The following EGFLAM variants were observed in gnomAD, a reference collection of about 807,000 sequenced individuals.
EGFLAM encodes the protein EGF like, fibronectin type III and laminin G domains.
A neutral mutation model predicts 113.1 loss-of-function variants in EGFLAM; 79 were observed. The observed-to-expected ratio is 0.70, with a 90% CI of 0.58 to 0.84. The LOEUF is 0.84. Among genes scored for constraint, EGFLAM ranks in the 40% least tolerant of loss-of-function variants. EGFLAM has a pLI of 0.00. For synonymous variants in EGFLAM, 504 were observed against 487.6 expected (o/e 1.03, Z -0.44); for missense variants, 1,265 against 1,291.6 (o/e 0.98, Z 0.32).
chr5:38,393,679 T>G (rs2961891), intron 6 of EGFLAM, among the ~76,000 whole-genome samples: 23,030 of 152,254 alleles, frequency 0.15, 3,855 homozygotes, highest in African/African-American at 0.42. Flanking sequence ...GAGGAAGAGT[T>G]GGGGAACCAG....
At chr5:38,424,837 G>A (rs1390470020) in intron 12 of EGFLAM, 130 bp from the exon 13 acceptor site, 3 of 1,263,804 alleles carry the variant, frequency 2.4e-6, no homozygotes, top group African/African-American at 1.5e-5. Context: ...GTTGTGCAGA[G>A]CTGCAAATCA....
At chr5:38,368,524 T>C (rs1740122363) in intron 5 of EGFLAM, among the ~76,000 whole-genome samples, 1 of 152,194 alleles carries the variant, frequency 6.6e-6, no homozygotes, top group Non-Finnish European at 1.5e-5. Context: ...AAATCCGCTG[T>C]TCACCCCGGC....
intron 11 of EGFLAM, among the ~76,000 whole-genome samples, chr5:38,414,484 G>A (rs1391724100): frequency 6.6e-6 from 1 of 152,144 alleles, no homozygotes; most frequent in East Asian, 1.9e-4. Flanking sequence ...AGAATTATAG[G>A]CTGTGTTAAC....
chr5:38,406,979 C>A lies in EGFLAM; in HGVS notation c.980C>A (p.Pro327His). 1.2e-6 allele frequency: 2 copies of A among 1,614,170 alleles called. No individual in the cohort carries two copies. The highest frequency in any genetic ancestry group is 1.7e-6 in the Non-Finnish European group (2 of 1,180,028). ...PVTTVAPQPIPIQRKGKNGVA... is the reference protein window; with the variant it reads ...PVTTVAPQPIHIQRKGKNGVA... ...ACCACGGTGGCTCCCCAGCCCATTC[C>A]CATACAGAGAAAGGGGAAGAATGGT... is the stretch of plus-strand genomic sequence containing the variant. Residue 327 changes from proline (P) to histidine (H), a missense_variant, in exon 8 of 22, where the codon CCC becomes CAC. Pro to His is a moderately conservative substitution (Grantham distance 77). Transcript: ENST00000322350.
intron 1 of EGFLAM, among the ~76,000 whole-genome samples, chr5:38,265,754 C>T (rs535593491): frequency 6.6e-6 from 1 of 152,348 alleles, no homozygotes; most frequent in African/African-American, 2.4e-5. Flanking sequence ...GGCGCACATT[C>T]CAGAGCTGGC....
At chr5:38,304,546 C>T (rs1347270852) in intron 1 of EGFLAM, among the ~76,000 whole-genome samples, 1 of 152,140 alleles carries the variant, frequency 6.6e-6, no homozygotes, top group Non-Finnish European at 1.5e-5. Flanking sequence ...AAAGATCTTC[C>T]CTGGGATGTG....
At chr5:38,362,160 A>C (rs1739940813) in intron 5 of EGFLAM, among the ~76,000 whole-genome samples, 1 of 152,174 alleles carries the variant, frequency 6.6e-6, no homozygotes, top group African/African-American at 2.4e-5. Flanking sequence ...ATCCCAACTG[A>C]AAGTTTATTT....
At chr5:38,319,121 G>A (rs932641017) in intron 1 of EGFLAM, among the ~76,000 whole-genome samples, 15 of 152,068 alleles carry the variant, frequency 9.9e-5, no homozygotes, top group Admixed American at 2.6e-4. Flanking sequence ...CTTTGGAAAG[G>A]TGACCTTGTT....
At chr5:38,272,758 A>ATGTGTGTGTG (rs148444332) in intron 1 of EGFLAM, among the ~76,000 whole-genome samples, 3 of 150,632 alleles carry the variant, frequency 2.0e-5, no homozygotes, top group African/African-American at 7.3e-5. Context: ...AGGTGTGTGT[A>ATGTGTGTGTG]TGTGTGTGTG....
intron 3 of EGFLAM, among the ~76,000 whole-genome samples, chr5:38,344,984 G>A (rs1739437482): frequency 6.6e-6 from 1 of 152,238 alleles, no homozygotes. Context: ...AGAAAGGAGA[G>A]AATGGATACT....
intron 7 of EGFLAM, 82 bp downstream of exon 7, chr5:38,406,323 C>A: frequency 8.1e-7 from 1 of 1,230,954 alleles, no homozygotes; most frequent in South Asian, 1.4e-5. Context: ...GGACCATAAA[C>A]ATTTTACTTA....
chr5:38,267,864 C>T (rs945895838), intron 1 of EGFLAM, among the ~76,000 whole-genome samples: 1 of 152,112 alleles, frequency 6.6e-6, no homozygotes, highest in East Asian at 1.9e-4. Context: ...CTAGAGGGTT[C>T]ATTAATTAGC....
At chr5:38,417,974 C>A in intron 11 of EGFLAM, 92 bp from the exon 12 acceptor site, 1 of 1,276,710 alleles carries the variant, frequency 7.8e-7, no homozygotes, top group Admixed American at 2.2e-5. Flanking sequence ...CTGTCACTGA[C>A]GTCTTAACCA....
At chr5:38,426,370 G>A (rs1742010085) in intron 13 of EGFLAM, among the ~76,000 whole-genome samples, 2 of 152,200 alleles carry the variant, frequency 1.3e-5, no homozygotes, top group South Asian at 4.1e-4. Flanking sequence ...TTCCAAAAGT[G>A]ATTTTGGAAA....
chr5:38,435,184 A>T lies in EGFLAM; in HGVS notation c.2214A>T (p.Gly738=), dbSNP rs1427250794. 1 of 1,614,038 alleles carries T rather than the reference A, an allele frequency of 6.2e-7. No individual in the cohort carries two copies. Among genetic ancestry groups the T allele is most frequent in the Non-Finnish European group, 8.5e-7 (1 of 1,180,032 alleles). The change falls in exon 16 of 22, where the codon GGA becomes GGT. Residue 738 remains glycine (G), a synonymous_variant. Coordinates refer to ENST00000322350, the MANE Select transcript of EGFLAM (RefSeq NM_152403.4). Reference sequence around the variant, plus strand: ...GCAACACAGACATTTTCATTGGCGGAGTCCCCAATTATGATGATGTGAAGA... The same window carrying T: ...GCAACACAGACATTTTCATTGGCGGTGTCCCCAATTATGATGATGTGAAGA... ...IKCNTDIFIG[G]VPNYDDVKKN... is the part of the protein sequence containing the mutation.
At chr5:38,463,731 C>T in intron 21 of EGFLAM, 101 bp from the exon 22 acceptor site, 1 of 1,456,552 alleles carries the variant, frequency 6.9e-7, no homozygotes, top group Non-Finnish European at 9.4e-7. Context: ...CAAGGGATGC[C>T]TTGGCCAGCA....
chr5:38,431,407 G>A, intron 15 of EGFLAM, 119 bp downstream of exon 15: 1 of 962,300 alleles, frequency 1.0e-6, no homozygotes, highest in Non-Finnish European at 1.5e-6. Context: ...CAGTGCCTGT[G>A]TGGAAATCCC....
intron 6 of EGFLAM, among the ~76,000 whole-genome samples, chr5:38,381,322 C>T (rs1416995918): frequency 6.6e-6 from 1 of 152,046 alleles, no homozygotes; most frequent in Non-Finnish European, 1.5e-5. Flanking sequence ...AGTTGTTGTT[C>T]AGCACAAAGA....
At chr5:38,260,368 A>G (rs1757469353) in intron 1 of EGFLAM, among the ~76,000 whole-genome samples, 1 of 152,370 alleles carries the variant, frequency 6.6e-6, no homozygotes, top group East Asian at 1.9e-4. Context: ...TAAAGGATAT[A>G]TTTTAATCCA....
Sources: gnomAD v4.1 joint callset for allele counts (sites outside exome capture counted in the v4.1 genomes callset) on GRCh38, gnomAD v4.1.1 for gene constraint, MANE v1.5 for transcripts, NCBI Gene and HGNC (gene_info 2026-07-23, HGNC 2026-07-21) for gene names.